MTUS2: variants seen among roughly 807,000 people sequenced by gnomAD.
MTUS2 encodes the protein microtubule-associated tumor suppressor candidate 2.
In MTUS2, 40 loss-of-function variants were observed where a neutral mutation model predicts 114.1. The observed-to-expected ratio is 0.35, with a 90% CI of 0.27 to 0.46. The LOEUF is 0.46. Ranked by LOEUF, MTUS2 falls within the 20% of genes least tolerant of loss-of-function variation. The pLI, the probability that MTUS2 is intolerant of heterozygous loss-of-function variation, is 1.00. For synonymous variants in MTUS2, 688 were observed against 672.0 expected, an observed-to-expected ratio of 1.02 and a Z score of -0.37; for missense variants, 1,679 against 1,705.4, an observed-to-expected ratio of 0.98 and a Z score of 0.27.
chr13:28,827,960 G>T (rs2137937797), intron 1 of MTUS2, among the ~76,000 whole-genome samples: 1 of 152,290 alleles, frequency 6.6e-6, no homozygotes, highest in Middle Eastern at 3.4e-3. Context: ...ATCTTATCAG[G>T]AGACAGGGTT....
chr13:29,435,655 T>C (rs73444037), intron 8 of MTUS2, among the ~76,000 whole-genome samples: 2,783 of 152,344 alleles, frequency 0.018, 89 homozygotes, highest in African/African-American at 0.063. Context: ...TAAGGAACAG[T>C]GTTCCTGCAG....
chr13:29,036,687 G>C (rs979024082), intron 4 of MTUS2, among the ~76,000 whole-genome samples: 4 of 152,178 alleles, frequency 2.6e-5, no homozygotes, highest in African/African-American at 9.7e-5. Flanking sequence ...GAATCTGGGT[G>C]CTCCTGTATT....
chr13:29,113,101 AT>A (rs1462491184), intron 5 of MTUS2, among the ~76,000 whole-genome samples: 3 of 152,186 alleles, frequency 2.0e-5, no homozygotes, highest in South Asian at 2.1e-4. Flanking sequence ...CGTCTCTCCA[AT>A]TTTTTTCCCC....
chr13:29,208,416 C>T (rs1437023453), intron 5 of MTUS2, among the ~76,000 whole-genome samples: 6 of 151,516 alleles, frequency 4.0e-5, no homozygotes, highest in Admixed American at 1.3e-4. Flanking sequence ...TTATTTTTAT[C>T]TCAATTTTCT....
chr13:29,223,558 C>T (rs564674152), intron 5 of MTUS2, among the ~76,000 whole-genome samples: 1 of 152,330 alleles, frequency 6.6e-6, no homozygotes, highest in East Asian at 1.9e-4. Context: ...CTGCAAGTCT[C>T]CTCTGAGATG....
intron 5 of MTUS2, among the ~76,000 whole-genome samples, chr13:29,108,093 C>T (rs775664140): frequency 1.3e-5 from 2 of 152,164 alleles, no homozygotes; most frequent in Admixed American, 6.5e-5. Context: ...TGATTTTCTA[C>T]GTCTGACATG....
At chr13:29,234,857 C>T (rs981048539) in intron 5 of MTUS2, among the ~76,000 whole-genome samples, 9 of 151,994 alleles carry the variant, frequency 5.9e-5, no homozygotes, top group African/African-American at 2.2e-4. Flanking sequence ...TAGGAGTTAC[C>T]ACTTTTTTTT....
chr13:29,114,163 TTTTTAAATAAATTACCCA>T (rs2138875049), intron 5 of MTUS2, among the ~76,000 whole-genome samples: 1 of 152,270 alleles, frequency 6.6e-6, no homozygotes, highest in Admixed American at 6.5e-5. Flanking sequence ...AACCTTTTTT[TTTTTAAATAAATTACCCA>T]GTCCCAGGTA....
At chr13:29,096,470 G>C (rs1890184436) in intron 4 of MTUS2, among the ~76,000 whole-genome samples, 1 of 152,166 alleles carries the variant, frequency 6.6e-6, no homozygotes, top group Non-Finnish European at 1.5e-5. Context: ...GGTTAGTTCT[G>C]ACCCCTGGAT....
chr13:29,400,249 T>A (rs1371965201), intron 8 of MTUS2, among the ~76,000 whole-genome samples: 1 of 152,190 alleles, frequency 6.6e-6, no homozygotes, highest in Non-Finnish European at 1.5e-5. Context: ...AGAAGGAATG[T>A]TGCATCTGGA....
chr13:28,884,582 G>A (rs1878479196), intron 2 of MTUS2, among the ~76,000 whole-genome samples: 1 of 152,166 alleles, frequency 6.6e-6, no homozygotes, highest in Non-Finnish European at 1.5e-5. Context: ...CTACACACAT[G>A]AGTACACACA....
intron 2 of MTUS2, among the ~76,000 whole-genome samples, chr13:29,005,136 C>T (rs559364013): frequency 1.4e-4 from 21 of 152,318 alleles, no homozygotes; most frequent in Non-Finnish European, 1.2e-4. Flanking sequence ...ACCCCGGCCA[C>T]TTCTGCCATC....
intron 5 of MTUS2, among the ~76,000 whole-genome samples, chr13:29,204,630 G>A (rs1388360531): frequency 6.6e-6 from 1 of 152,328 alleles, no homozygotes; most frequent in South Asian, 2.1e-4. Context: ...TGGACCACAG[G>A]GCCCAATGTT....
At chr13:29,392,533 G>T (rs529117194) in intron 8 of MTUS2, among the ~76,000 whole-genome samples, 31 of 152,276 alleles carry the variant, frequency 2.0e-4, no homozygotes, top group African/African-American at 7.2e-4. Context: ...ATTAAGGAAT[G>T]AATTTGTTTA....
chr13:29,389,625 ATG>A (rs1873089247), intron 8 of MTUS2, among the ~76,000 whole-genome samples: 2 of 43,562 alleles, frequency 4.6e-5, no homozygotes, highest in Non-Finnish European at 1.8e-4. Flanking sequence ...GTGTGTATAT[ATG>A]TATACACATA....
At chr13:29,444,253 A>G (rs999555732) in intron 9 of MTUS2, among the ~76,000 whole-genome samples, 2 of 152,154 alleles carry the variant, frequency 1.3e-5, no homozygotes, top group Admixed American at 6.5e-5. Context: ...GTCAAACCCC[A>G]TCTCTACTAA....
intron 9 of MTUS2, among the ~76,000 whole-genome samples, chr13:29,442,754 T>C (rs1877984544): frequency 6.6e-6 from 1 of 152,244 alleles, no homozygotes; most frequent in South Asian, 2.1e-4. Context: ...ACCACAGGCT[T>C]GAGGACACTT....
intron 2 of MTUS2, among the ~76,000 whole-genome samples, chr13:28,862,629 A>G (rs1877064693): frequency 6.6e-6 from 1 of 152,102 alleles, no homozygotes; most frequent in South Asian, 2.1e-4. Context: ...ACCAAACCAA[A>G]CCAAACCCTC....
rs185995362 is a variant in MTUS2, at chr13:29,439,645, A to G, written c.3118-338A>G. Among the ~76,000 whole-genome samples the G allele has an allele frequency of 2.5e-3, 379 of 152,334 alleles. 8 individuals are homozygous for G. Among genetic ancestry groups the G allele is most frequent in the Non-Finnish European group, 1.0e-3 (70 of 68,032 alleles). On this transcript the variant is annotated intron_variant, in intron 8 of 15. Transcript: ENST00000612955. ...CGGAAATCTCATAGTAGTGATAATA[A>G]TAAACACTGTACAATAATATATGGC...
Sources: gnomAD v4.1 joint callset for allele counts (sites outside exome capture counted in the v4.1 genomes callset) on GRCh38, gnomAD v4.1.1 for gene constraint, MANE v1.5 for transcripts, NCBI Gene and HGNC (gene_info 2026-07-23, HGNC 2026-07-21) for gene names.